Variants in DPY19L1 observed in about 807,000 individuals in gnomAD.
The protein encoded by DPY19L1 is dpy-19 like C-mannosyltransferase 1, also known as protein C-mannosyl-transferase DPY19L1.
A neutral mutation model predicts 96.9 loss-of-function variants in DPY19L1; 35 were observed. The ratio of observed to expected loss-of-function variants is 0.36; its 90% confidence interval spans 0.28 to 0.48. DPY19L1 has a LOEUF of 0.48. DPY19L1 is among the 20% of genes least tolerant of loss of function. The pLI is 0.99. For missense variants in DPY19L1, 521 were observed against 777.9 expected, an observed-to-expected ratio of 0.67 and a Z score of 3.93; for synonymous variants, 205 against 252.6, an observed-to-expected ratio of 0.81 and a Z score of 1.79.
chr7:34,981,509 C>T (rs1224222739), intron 7 of DPY19L1, among the ~76,000 whole-genome samples: 2 of 152,146 alleles, frequency 1.3e-5, no homozygotes, highest in Non-Finnish European at 2.9e-5. Flanking sequence ...GAAAAAAGGG[C>T]ATTTTTATAA....
intron 7 of DPY19L1, among the ~76,000 whole-genome samples, chr7:34,975,039 T>C (rs1216392477): frequency 2.0e-5 from 3 of 151,970 alleles, no homozygotes; most frequent in African/African-American, 4.8e-5. Context: ...CCCATCTGTC[T>C]CCCTCCCATC....
chr7:34,932,418 T>C (rs189037242), intron 21 of DPY19L1, among the ~76,000 whole-genome samples: 57 of 152,324 alleles, frequency 3.7e-4, no homozygotes, highest in South Asian at 2.1e-4. Context: ...CAACAAAACA[T>C]TGAATATCTC....
chr7:35,012,033 C>T (rs1025990969), intron 4 of DPY19L1, among the ~76,000 whole-genome samples: 1 of 152,212 alleles, frequency 6.6e-6, no homozygotes, highest in African/African-American at 2.4e-5. Context: ...CTGAGGCACT[C>T]ATTCCTCCAG....
intron 1 of DPY19L1, among the ~76,000 whole-genome samples, chr7:35,035,907 T>TTA (rs140360156): frequency 7.1e-6 from 1 of 141,030 alleles, no homozygotes; most frequent in Non-Finnish European, 1.5e-5. Context: ...GCTACTGAGA[T>TTA]AAAAAAAAAG....
chr7:34,945,757 G>C (rs1436286139), intron 15 of DPY19L1, 41 bp from the exon 16 acceptor site: 2 of 1,356,742 alleles, frequency 1.5e-6, no homozygotes, highest in Admixed American at 2.0e-5. Context: ...AGCTGTGTTG[G>C]GAAAAATGAT....
chr7:34,932,985 A>G (rs556480503), intron 21 of DPY19L1, among the ~76,000 whole-genome samples: 25 of 152,310 alleles, frequency 1.6e-4, no homozygotes, highest in Non-Finnish European at 2.5e-4. Flanking sequence ...CCCTTTTTAA[A>G]TAACACCTTT....
intron 1 of DPY19L1, among the ~76,000 whole-genome samples, chr7:35,028,041 A>G (rs1786169103): frequency 6.6e-6 from 1 of 152,190 alleles, no homozygotes; most frequent in African/African-American, 2.4e-5. Context: ...TTACAATGAA[A>G]ATGTCTAACA....
chr7:34,936,742 G>A lies in DPY19L1; in HGVS notation c.2090+1252C>T, dbSNP rs1649210. Among the ~76,000 whole-genome samples, 4 of 151,962 alleles carry A rather than the reference G, an allele frequency of 2.6e-5. No homozygotes were observed. In the East Asian group the frequency reaches 5.8e-4, roughly 22 times the overall value. On this transcript the variant is annotated intron_variant, in intron 21 of 21. Transcript: ENST00000638088. ...TAAATCCTGACTGAATTCAAACCAC[G>A]TAGCACACGTTCATAGGAGAATCAT...
chr7:34,950,007 C>T (rs1784238314), intron 13 of DPY19L1, 109 bp from the exon 14 acceptor site: 9 of 546,274 alleles, frequency 1.6e-5, no homozygotes, highest in Non-Finnish European at 2.8e-5. Flanking sequence ...GCCCACTGTT[C>T]CCACACCAAG....
At chr7:35,012,348 T>A (rs1463539130) in intron 4 of DPY19L1, among the ~76,000 whole-genome samples, 1 of 152,178 alleles carries the variant, frequency 6.6e-6, no homozygotes, top group African/African-American at 2.4e-5. Context: ...CCTTCAGGTG[T>A]TGGCCCTAAG....
chr7:35,024,444 A>G (rs1786074216), intron 1 of DPY19L1, among the ~76,000 whole-genome samples: 1 of 152,174 alleles, frequency 6.6e-6, no homozygotes, highest in African/African-American at 2.4e-5. Flanking sequence ...CCGGAAGCTG[A>G]AGTCATCAGT....
intron 16 of DPY19L1, among the ~76,000 whole-genome samples, chr7:34,943,590 C>CT (rs1025936332): frequency 6.6e-6 from 1 of 152,192 alleles, no homozygotes; most frequent in Non-Finnish European, 1.5e-5. Context: ...TACTCTTCTC[C>CT]TTTTTACACT....
rs780746473 is a variant in DPY19L1 at position 34,954,698 on chromosome 7, G to A, written c.1320C>T (p.Asp440=). 1.7e-5 allele frequency: 26 copies of A among 1,526,174 alleles called. No individual in the cohort carries two copies. Among genetic ancestry groups the A allele is most frequent in the South Asian group, 7.2e-5 (6 of 83,592 alleles). The allele number at this position is 1,526,174 out of a possible 1,614,324, so 94.5% of individuals were successfully genotyped here. ...AAATTTAAGTAAAAAATGCACTTAC[G>A]TCATCTGCAATACCAAAAATTTTAG... ...LTSKIFGIAD[D]AHIGNLLTSK... The change falls in exon 13 of 22, where the codon GAC becomes GAT. Residue 440 remains aspartate (D), a splice_region_variant and synonymous_variant. Transcript: ENST00000638088.
At chr7:34,945,798 A>G (rs1484935079) in intron 15 of DPY19L1, 82 bp from the exon 16 acceptor site, 6 of 889,512 alleles carry the variant, frequency 6.7e-6, no homozygotes, top group Non-Finnish European at 1.1e-5. Context: ...TAAACTGTAA[A>G]ATAACTTTTA....
intron 15 of DPY19L1, 42 bp from the exon 16 acceptor site, chr7:34,945,758 GA>G: frequency 7.4e-7 from 1 of 1,350,964 alleles, no homozygotes; most frequent in Non-Finnish European, 1.0e-6. Context: ...GCTGTGTTGG[GA>G]AAAATGATAT....
chr7:34,965,564 A>C (rs1165299870), intron 10 of DPY19L1, among the ~76,000 whole-genome samples: 1 of 152,208 alleles, frequency 6.6e-6, no homozygotes, highest in East Asian at 1.9e-4. Flanking sequence ...AGGACTTAAA[A>C]GTAACAATAA....
At chr7:34,943,980 C>G (rs538344518) in intron 16 of DPY19L1, among the ~76,000 whole-genome samples, 1 of 152,078 alleles carries the variant, frequency 6.6e-6, no homozygotes, top group Non-Finnish European at 1.5e-5. Context: ...AACAAGGATT[C>G]TCTCAGGAGT....
chr7:35,018,070 G>T, intron 2 of DPY19L1, 101 bp from the exon 3 acceptor site: 2 of 775,484 alleles, frequency 2.6e-6, no homozygotes, highest in Non-Finnish European at 3.9e-6. Context: ...TTAACTTGCA[G>T]ATAATTTTGT....
At chr7:35,020,638 T>C (rs770520993) in intron 1 of DPY19L1, among the ~76,000 whole-genome samples, 15 of 152,212 alleles carry the variant, frequency 9.9e-5, no homozygotes, top group Non-Finnish European at 2.1e-4. Flanking sequence ...TTGCAATGTA[T>C]TTATTTTTGG....
Sources: allele counts gnomAD v4.1 joint callset (sites outside exome capture counted in the v4.1 genomes callset), GRCh38; gene constraint gnomAD v4.1.1; transcripts MANE v1.5; gene names NCBI Gene and HGNC (gene_info 2026-07-23, HGNC 2026-07-21).